DPP10: variants seen among roughly 807,000 people sequenced by gnomAD.
The protein encoded by DPP10 is dipeptidyl peptidase like 10.
In DPP10, 33 loss-of-function variants were observed where a neutral mutation model predicts 120.9. The observed-to-expected ratio is 0.27, with a 90% CI of 0.21 to 0.37. The LOEUF (loss-of-function observed/expected upper bound fraction) is 0.37. Among genes scored for constraint, DPP10 ranks in the 10% least tolerant of loss-of-function variants. The pLI, the probability that DPP10 is intolerant of heterozygous loss-of-function variation, is 1.00. For missense variants in DPP10, 816 were observed against 942.8 expected (o/e 0.87, Z 1.76); for synonymous variants, 337 against 326.1 (o/e 1.03, Z -0.36).
chr2:115,738,503 A>G (rs1245504151), intron 8 of DPP10, among the ~76,000 whole-genome samples: 1 of 152,150 alleles, frequency 6.6e-6, no homozygotes, highest in Non-Finnish European at 1.5e-5. Flanking sequence ...TATGACAATC[A>G]TAGGACAGGC....
chr2:114,458,308 C>A (rs1232085785), intron 1 of DPP10, among the ~76,000 whole-genome samples: 1 of 152,118 alleles, frequency 6.6e-6, no homozygotes, highest in South Asian at 2.1e-4. Context: ...CTCACTCTAC[C>A]CTTTTTCATA....
intron 1 of DPP10, among the ~76,000 whole-genome samples, chr2:114,826,247 T>C (rs1435700224): frequency 6.6e-6 from 1 of 152,224 alleles, no homozygotes; most frequent in Non-Finnish European, 1.5e-5. Flanking sequence ...TTCATAATTA[T>C]ATATAATGGG....
intron 9 of DPP10, among the ~76,000 whole-genome samples, chr2:115,742,944 T>C (rs1302312878): frequency 2.0e-5 from 3 of 151,942 alleles, no homozygotes; most frequent in African/African-American, 4.8e-5. Context: ...ACCCTATCAT[T>C]AGCAATTCAG....
chr2:115,308,972 T>C (rs150073029), intron 1 of DPP10, among the ~76,000 whole-genome samples: 4 of 152,110 alleles, frequency 2.6e-5, no homozygotes, highest in African/African-American at 9.7e-5. Context: ...TCCTGGTGTT[T>C]ATAGTCAATG....
At position 115,845,162 on chromosome 2, in the gene DPP10, T is replaced by G. The variant is rs982007854; in HGVS notation, c.*2817T>G. On this transcript the variant is annotated 3_prime_UTR_variant, in exon 26 of 26. Transcript: ENST00000410059. Reference sequence around the variant, plus strand: ...TGTTGGGCTTGGAGACAGAAGTACCTTGGACTGAATTGCTTTCAAGTCTCT... The same window carrying G: ...TGTTGGGCTTGGAGACAGAAGTACCGTGGACTGAATTGCTTTCAAGTCTCT... 1 of 152,210 alleles carries G rather than the reference T, an allele frequency of 6.6e-6. No individual in the cohort carries two copies. Among genetic ancestry groups the G allele is most frequent in the African/African-American group, 2.4e-5 (1 of 41,442 alleles). 9.4% of individuals were successfully genotyped at this position (152,210 alleles called of 1,614,324 possible). A position where few individuals can be genotyped will look rare whatever the true frequency, so the allele number is the denominator to read the frequency against.
At chr2:115,263,595 T>C (rs2059340805) in intron 1 of DPP10, among the ~76,000 whole-genome samples, 1 of 121,478 alleles carries the variant, frequency 8.2e-6, no homozygotes, top group Non-Finnish European at 2.0e-5. Flanking sequence ...TTCTGTCTTT[T>C]AAAGGCTTTT....
chr2:114,946,886 G>T, intron 1 of DPP10, among the ~76,000 whole-genome samples: 1 of 151,448 alleles, frequency 6.6e-6, no homozygotes, highest in South Asian at 2.1e-4. Context: ...TTAAATATTT[G>T]GATTATTTTT....
intron 1 of DPP10, among the ~76,000 whole-genome samples, chr2:114,485,810 A>G (rs753780137): frequency 2.0e-5 from 3 of 152,102 alleles, no homozygotes; most frequent in Non-Finnish European, 2.9e-5. Context: ...CAAAGAGCTG[A>G]TCATGTTAAC....
At chr2:115,182,737 A>G (rs922817768) in intron 1 of DPP10, among the ~76,000 whole-genome samples, 2 of 152,192 alleles carry the variant, frequency 1.3e-5, no homozygotes, top group African/African-American at 2.4e-5. Context: ...AGAGGAAGGT[A>G]GGGAAGCTAT....
At chr2:114,672,997 G>A (rs930277454) in intron 1 of DPP10, among the ~76,000 whole-genome samples, 18 of 152,268 alleles carry the variant, frequency 1.2e-4, no homozygotes, top group Admixed American at 9.2e-4. Flanking sequence ...TCTTTCTGTT[G>A]TATTAACCTG....
intron 1 of DPP10, among the ~76,000 whole-genome samples, chr2:115,081,841 A>T (rs1302616543): frequency 6.6e-6 from 1 of 152,148 alleles, no homozygotes; most frequent in Non-Finnish European, 1.5e-5. Context: ...CCTGAGGGCA[A>T]ACTCTTTAGG....
chr2:114,922,010 A>G (rs955751212), intron 1 of DPP10, among the ~76,000 whole-genome samples: 2 of 152,238 alleles, frequency 1.3e-5, no homozygotes, highest in African/African-American at 4.8e-5. Context: ...GCAAAGTGCT[A>G]TAATCATATT....
intron 1 of DPP10, among the ~76,000 whole-genome samples, chr2:115,086,678 G>T (rs187314562): frequency 6.6e-6 from 1 of 151,998 alleles, no homozygotes; most frequent in Non-Finnish European, 1.5e-5. Flanking sequence ...GGAAGGTCTC[G>T]ATCTCCTGAC....
chr2:115,810,054 T>G (rs1040789704), intron 19 of DPP10, among the ~76,000 whole-genome samples: 2 of 151,872 alleles, frequency 1.3e-5, no homozygotes, highest in African/African-American at 4.8e-5. Context: ...TCCCAGCTAC[T>G]TGGGAGGCTG....
chr2:115,783,220 C>T (rs899232871), intron 17 of DPP10, among the ~76,000 whole-genome samples: 3 of 151,994 alleles, frequency 2.0e-5, no homozygotes, highest in African/African-American at 7.2e-5. Context: ...ATTTGATTAT[C>T]CCTTTTTACA....
At chr2:115,432,510 AATG>A (rs1314123371) in intron 3 of DPP10, among the ~76,000 whole-genome samples, 4 of 151,976 alleles carry the variant, frequency 2.6e-5, no homozygotes, top group Non-Finnish European at 5.9e-5. Context: ...AGGAATTAGA[AATG>A]ATCATGTAAA....
At chr2:115,266,017 G>A (rs185411728) in intron 1 of DPP10, among the ~76,000 whole-genome samples, 2 of 151,824 alleles carry the variant, frequency 1.3e-5, no homozygotes, top group African/African-American at 4.8e-5. Context: ...AGTTATCAAA[G>A]ATGAAGAAGA....
intron 1 of DPP10, among the ~76,000 whole-genome samples, chr2:114,589,335 C>T (rs1573732694): frequency 6.6e-6 from 1 of 152,218 alleles, no homozygotes; most frequent in East Asian, 1.9e-4. Context: ...TGTTAACCCC[C>T]TTCCTGCTGA....
chr2:115,835,982 T>C (rs1457242954), intron 21 of DPP10, among the ~76,000 whole-genome samples, 175 bp from the exon 22 acceptor site: 14 of 152,046 alleles, frequency 9.2e-5, no homozygotes, highest in Admixed American at 9.2e-4. Flanking sequence ...TACAAAATGA[T>C]TTTGGCTTTT....
Sources: gnomAD v4.1 joint callset for allele counts (sites outside exome capture counted in the v4.1 genomes callset) on GRCh38, gnomAD v4.1.1 for gene constraint, MANE v1.5 for transcripts, NCBI Gene and HGNC (gene_info 2026-07-23, HGNC 2026-07-21) for gene names.